Variants in RBFOX1 observed in about 807,000 individuals in gnomAD.
The protein encoded by RBFOX1 is RNA binding fox-1 homolog 1.
In RBFOX1, 8 loss-of-function variants were observed where a neutral mutation model predicts 57.7. The ratio of observed to expected loss-of-function variants is 0.14; its 90% CI spans 0.08 to 0.25. The LOEUF (loss-of-function observed/expected upper bound fraction) is 0.25. Ranked by LOEUF, RBFOX1 falls within the 10% of genes least tolerant of loss-of-function variation. The probability of loss-of-function intolerance (pLI) is 1.00; values close to 1 mark genes in which losing one functional copy is unlikely to be tolerated. For synonymous variants in RBFOX1, 326 were observed against 222.4 expected (o/e 1.47, Z -4.15); for missense variants, 611 against 548.5 (o/e 1.11, Z -1.14).
chr16:5,440,480 A>G (rs1380781128), intron 1 of RBFOX1, among the ~76,000 whole-genome samples: 4 of 152,238 alleles, frequency 2.6e-5, no homozygotes, highest in Admixed American at 6.5e-5. Flanking sequence ...TAAAGTCTCT[A>G]GGACTTTTTT....
chr16:6,224,106 C>G (rs2097398141), intron 1 of RBFOX1, among the ~76,000 whole-genome samples: 1 of 151,934 alleles, frequency 6.6e-6, no homozygotes, highest in East Asian at 1.9e-4. Context: ...TTACTGTAGC[C>G]TTGTAGTATA....
chr16:7,398,717 G>A (rs1266287447), intron 4 of RBFOX1, among the ~76,000 whole-genome samples: 1 of 152,222 alleles, frequency 6.6e-6, no homozygotes, highest in Non-Finnish European at 1.5e-5. Context: ...GTCGGGGCAT[G>A]TGCTGAGTCT....
At chr16:5,854,049 G>T (rs181213625) in intron 3 of RBFOX1, among the ~76,000 whole-genome samples, 1 of 152,268 alleles carries the variant, frequency 6.6e-6, no homozygotes, top group East Asian at 1.9e-4. Flanking sequence ...CTTTATTGAG[G>T]CAGACTTGAC....
intron 3 of RBFOX1, among the ~76,000 whole-genome samples, chr16:6,930,591 G>A (rs1299657056): frequency 6.6e-6 from 1 of 152,042 alleles, no homozygotes; most frequent in Non-Finnish European, 1.5e-5. Flanking sequence ...GGTACTTTTA[G>A]TAGAGATGGA....
At chr16:5,894,397 C>G (rs888284552) in intron 4 of RBFOX1, among the ~76,000 whole-genome samples, 1 of 152,128 alleles carries the variant, frequency 6.6e-6, no homozygotes, top group Non-Finnish European at 1.5e-5. Flanking sequence ...ATTCTCTTGC[C>G]TCAGCCTCCC....
At chr16:6,203,777 T>A (rs1168352838) in intron 1 of RBFOX1, among the ~76,000 whole-genome samples, 1 of 152,162 alleles carries the variant, frequency 6.6e-6, no homozygotes, top group East Asian at 1.9e-4. Context: ...GCAGCCACAA[T>A]GGAAAGCAGT....
chr16:7,649,584 G>C (rs2064514401), intron 11 of RBFOX1, among the ~76,000 whole-genome samples: 1 of 152,096 alleles, frequency 6.6e-6, no homozygotes, highest in South Asian at 2.1e-4. Flanking sequence ...TTCTGAGCAG[G>C]TCACTTTGTA....
chr16:7,456,553 G>C (rs1214991400), intron 4 of RBFOX1, among the ~76,000 whole-genome samples: 1 of 152,218 alleles, frequency 6.6e-6, no homozygotes, highest in Non-Finnish European at 1.5e-5. Context: ...AAATCTTCGT[G>C]TAATTTGGTC....
rs13332097 is a variant in RBFOX1, at chr16:7,074,421, A to G, written c.27+22323A>G. ...CAAAAGCTGCAATTATTTTGCATCAACCTAATAAAATTGACAGTACAGTAT... is the reference window on the plus strand; with the variant it reads ...CAAAAGCTGCAATTATTTTGCATCAGCCTAATAAAATTGACAGTACAGTAT... On this transcript the variant is annotated intron_variant, in intron 4 of 15. Coordinates refer to ENST00000550418, the MANE Select transcript of RBFOX1 (RefSeq NM_018723.4). Among the ~76,000 whole-genome samples, 523 of 152,318 alleles carry G rather than the reference A, an allele frequency of 3.4e-3. 3 individuals carry two copies. The highest frequency in any genetic ancestry group is 0.012 in the African/African-American group (498 of 41,580).
At chr16:7,416,057 C>T (rs1361344889) in intron 4 of RBFOX1, among the ~76,000 whole-genome samples, 1 of 152,130 alleles carries the variant, frequency 6.6e-6, no homozygotes, top group Non-Finnish European at 1.5e-5. Context: ...CTCTTTTTCT[C>T]TTCTTGTCCT....
intron 4 of RBFOX1, among the ~76,000 whole-genome samples, chr16:7,384,810 T>G (rs75769052): frequency 0.013 from 2,014 of 152,334 alleles, 22 homozygotes; most frequent in Non-Finnish European, 0.022. Context: ...GTATAGAGTG[T>G]GAACAAAATG....
At chr16:5,363,573 C>G (rs1868779069) in intron 1 of RBFOX1, among the ~76,000 whole-genome samples, 1 of 152,142 alleles carries the variant, frequency 6.6e-6, no homozygotes, top group Non-Finnish European at 1.5e-5. Context: ...TGGGGAAGTC[C>G]TCATCCCCAG....
At chr16:5,776,684 A>G (rs2054160749) in intron 3 of RBFOX1, among the ~76,000 whole-genome samples, 1 of 152,226 alleles carries the variant, frequency 6.6e-6, no homozygotes, top group East Asian at 1.9e-4. Context: ...ACACTAAGCT[A>G]GAAAGTGGCA....
chr16:7,276,275 G>T (rs762995939), intron 4 of RBFOX1, among the ~76,000 whole-genome samples: 6 of 152,038 alleles, frequency 3.9e-5, no homozygotes, highest in Non-Finnish European at 5.9e-5. Context: ...ATTTCCCCAC[G>T]CCCCATAATG....
chr16:5,943,208 T>G (rs774546434), intron 4 of RBFOX1, among the ~76,000 whole-genome samples: 1 of 152,188 alleles, frequency 6.6e-6, no homozygotes, highest in Non-Finnish European at 1.5e-5. Flanking sequence ...AGCACCTGCA[T>G]TCACATCATC....
chr16:5,604,362 T>C (rs921214647), downstream of RBFOX1, among the ~76,000 whole-genome samples: 1 of 152,114 alleles, frequency 6.6e-6, no homozygotes, highest in Non-Finnish European at 1.5e-5. Flanking sequence ...AGCTGGGAGT[T>C]TCATCTGGAG....
At chr16:6,108,954 A>C (rs1451823366) in intron 1 of RBFOX1, among the ~76,000 whole-genome samples, 1 of 152,204 alleles carries the variant, frequency 6.6e-6, no homozygotes, top group Non-Finnish European at 1.5e-5. Flanking sequence ...ATTGAATCTC[A>C]TCTACAAAGA....
Position 5,946,285 on chromosome 16 carries a change from G to T in RBFOX1, c.351+78950G>T, listed in dbSNP as rs558572517. Among the ~76,000 whole-genome samples the T allele has an allele frequency of 6.6e-6, 1 of 152,292 alleles. No homozygotes were observed. Among genetic ancestry groups the T allele is most frequent in the East Asian group, 1.9e-4 (1 of 5,188 alleles). On this transcript the variant is annotated intron_variant, in intron 4 of 19. Transcript: ENST00000641259. The surrounding 1 kb of genome is among the most constrained non-coding windows in gnomAD (Gnocchi z 4.6). ...ATCTGTAAAAGGGACACAATCATAGGACCTCCCTCATAGGGTTATTTGAGG... is the reference window on the plus strand; with the variant it reads ...ATCTGTAAAAGGGACACAATCATAGTACCTCCCTCATAGGGTTATTTGAGG...
intron 2 of RBFOX1, among the ~76,000 whole-genome samples, chr16:5,595,889 A>G (rs1041109029): frequency 6.6e-6 from 1 of 152,198 alleles, no homozygotes; most frequent in Non-Finnish European, 1.5e-5. Flanking sequence ...GTGCATGTCT[A>G]GTTCCAGGGT....
Sources: allele counts gnomAD v4.1 joint callset (sites outside exome capture counted in the v4.1 genomes callset), GRCh38; gene constraint gnomAD v4.1.1; non-coding constraint Gnocchi (gnomAD v3.1); transcripts MANE v1.5; gene names NCBI Gene and HGNC (gene_info 2026-07-23, HGNC 2026-07-21).